The following IQGAP1 variants were observed in gnomAD, a reference collection of about 807,000 sequenced individuals.
IQGAP1 encodes IQ motif containing GTPase activating protein 1.
A neutral mutation model predicts 215.6 loss-of-function variants in IQGAP1; 66 were observed. The observed-to-expected ratio is 0.31, with a 90% confidence interval of 0.25 to 0.38. The LOEUF (loss-of-function observed/expected upper bound fraction) is 0.38, where lower values mean the gene tolerates loss of function less well. IQGAP1 is among the 10% of genes least tolerant of loss of function. The pLI, the probability that IQGAP1 is intolerant of heterozygous loss-of-function variation, is 1.00. For synonymous variants in IQGAP1, 772 were observed against 728.7 expected (o/e 1.06, Z -0.96); for missense variants, 1,712 against 1,997.1 (o/e 0.86, Z 2.72).
rs150804165 is a variant in IQGAP1 at position 90,465,852 on chromosome 15, CCTT to C, written c.1777-144_1777-142del. Reference sequence around the variant, plus strand: ...ACTTTTTACCAGTTTTTTGATGCCTCCTTCTTCCATTTGACTAACCCACGTGTC... The same window carrying C: ...ACTTTTTACCAGTTTTTTGATGCCTCCTTCCATTTGACTAACCCACGTGTC... On this transcript the variant is annotated intron_variant, in intron 15 of 37. Transcript: ENST00000268182. 5.1e-3 allele frequency: 3,351 copies of C among 652,304 alleles called. 59 individuals are homozygous for C. Among genetic ancestry groups the C allele is most frequent in the African/African-American group, 0.05 (2,750 of 54,970 alleles). 40.4% of individuals were successfully genotyped at this position (652,304 alleles called of 1,614,324 possible). A position where few individuals can be genotyped will look rare whatever the true frequency, so the allele number is the denominator to read the frequency against.
intron 5 of IQGAP1, among the ~76,000 whole-genome samples, chr15:90,436,756 T>C (rs1965376122): frequency 1.3e-5 from 2 of 152,244 alleles, no homozygotes; most frequent in African/African-American, 4.8e-5. Flanking sequence ...CTAAGTACTT[T>C]TGATTGTGGG....
chr15:90,485,636 C>T, intron 30 of IQGAP1, among the ~76,000 whole-genome samples: 1 of 152,096 alleles, frequency 6.6e-6, no homozygotes, highest in Non-Finnish European at 1.5e-5. Flanking sequence ...GACAGGGTTT[C>T]ATCATGTTGT....
At position 90,500,115 on chromosome 15, in the gene IQGAP1, G is replaced by A. The variant is rs76546627; in HGVS notation, c.*7G>A. ...AAAGTTCTACGGGAAGTAATTGATC[G>A]TTTGCTGCCAGCCCAGAAGGATGAA... is the stretch of plus-strand genomic sequence containing the variant. On this transcript the variant is annotated 3_prime_UTR_variant, in exon 38 of 38. Transcript: ENST00000268182. 4.0e-3 allele frequency: 5,970 copies of A among 1,476,272 alleles called. 199 individuals carry two copies. In the Admixed American group the frequency reaches 0.067, roughly 17 times the overall value. The allele number at this position is 1,476,272 out of a possible 1,614,324, so 91.4% of individuals were successfully genotyped here. A position where few individuals can be genotyped will look rare whatever the true frequency, so the allele number is the denominator to read the frequency against.
intron 3 of IQGAP1, 42 bp from the exon 4 acceptor site, chr15:90,429,547 T>C (rs777154159): frequency 2.0e-5 from 28 of 1,400,186 alleles, no homozygotes; most frequent in Non-Finnish European, 2.7e-5. Flanking sequence ...AATATTTGCT[T>C]CAATACAGCC....
In IQGAP1 at chr15:90,434,346, G is replaced by A. The variant is rs558358369; in HGVS notation, c.467+551G>A. ...CCAGCTACTCGGGAGGCTGAGGCAG[G>A]AGAATTGCTTGAACCCGGAAGGCAG... is the stretch of plus-strand genomic sequence containing the variant. On this transcript the variant is annotated intron_variant, in intron 5 of 37. Coordinates refer to ENST00000268182, the MANE Select transcript of IQGAP1 (RefSeq NM_003870.4). 4.7e-3 allele frequency among the ~76,000 whole-genome samples: 710 copies of A among 152,078 alleles called. 4 individuals are homozygous for A. Among genetic ancestry groups the A allele is most frequent in the African/African-American group, 0.016 (684 of 41,460 alleles).
intron 37 of IQGAP1, among the ~76,000 whole-genome samples, chr15:90,498,356 CAA>C (rs10708658): frequency 2.2e-3 from 321 of 146,386 alleles, no homozygotes; most frequent in Non-Finnish European, 2.1e-3. Flanking sequence ...GTACTTCCAC[CAA>C]AAAAAAAAAA....
intron 17 of IQGAP1, 57 bp from the exon 18 acceptor site, chr15:90,467,393 G>A (rs1043464215): frequency 3.8e-5 from 59 of 1,535,794 alleles, no homozygotes; most frequent in African/African-American, 3.2e-4. Context: ...AGTTCTGGAC[G>A]TACAGCTGGG....
At chr15:90,467,378 C>T (rs1965846129) in intron 17 of IQGAP1, 72 bp from the exon 18 acceptor site, 2 of 1,444,140 alleles carry the variant, frequency 1.4e-6, no homozygotes, top group African/African-American at 1.5e-5. Context: ...AACTAATAAT[C>T]CTGCAGTTCT....
Position 90,484,263 on chromosome 15 carries a change from A to G in IQGAP1, c.3832A>G (p.Lys1278Glu). 4 of 1,613,856 alleles carry G rather than the reference A, an allele frequency of 2.5e-6. No individual in the cohort carries two copies. The highest frequency in any genetic ancestry group is 3.4e-6 in the Non-Finnish European group (4 of 1,179,792). Residue 1278 changes from lysine (K) to glutamate (E), a missense_variant, in exon 30 of 38, where the codon AAA (lysine) becomes GAA (glutamate). Around this residue, in one of 2 missense-constraint regions of IQGAP1, gnomAD observed 691 missense variants for 923.0 expected, o/e 0.75. Coordinates refer to ENST00000268182, the MANE Select transcript of IQGAP1 (RefSeq NM_003870.4). ...TTGTGATGTCCCAGAGCTTCAGGAT[A>G]AATTTAATGTGGATGAGTACTCTGA... ...TACDVPELQD[K>E]FNVDEYSDLV...
chr15:90,419,954 C>T (rs142673405), intron 2 of IQGAP1, among the ~76,000 whole-genome samples: 6 of 152,148 alleles, frequency 3.9e-5, no homozygotes, highest in African/African-American at 1.2e-4. Context: ...TACCTGGTAA[C>T]GTTTTGAGTA....
chr15:90,395,137 A>G (rs1964694458), intron 2 of IQGAP1, among the ~76,000 whole-genome samples: 2 of 152,198 alleles, frequency 1.3e-5, no homozygotes, highest in South Asian at 4.1e-4. Context: ...TTCAATATTG[A>G]AATTAAGCCG....
chr15:90,389,921 C>T (rs1312482004), intron 1 of IQGAP1, among the ~76,000 whole-genome samples: 3 of 148,544 alleles, frequency 2.0e-5, no homozygotes, highest in Non-Finnish European at 3.0e-5. Flanking sequence ...TGCCACTGCA[C>T]TCGAGCCGGA....
At chr15:90,421,552 A>T (rs1226627422) in intron 2 of IQGAP1, among the ~76,000 whole-genome samples, 3 of 152,162 alleles carry the variant, frequency 2.0e-5, no homozygotes, top group Non-Finnish European at 4.4e-5. Context: ...TTGATTGAAA[A>T]AGTGTAATAA....
At chr15:90,420,145 GAAAGGCAC>G (rs1328701704) in intron 2 of IQGAP1, among the ~76,000 whole-genome samples, 1 of 152,182 alleles carries the variant, frequency 6.6e-6, no homozygotes, top group African/African-American at 2.4e-5. Context: ...GGGATAGGAG[GAAAGGCAC>G]AAATATTTTT....
intron 15 of IQGAP1, among the ~76,000 whole-genome samples, chr15:90,462,861 A>G (rs548068304): frequency 1.3e-5 from 2 of 152,306 alleles, no homozygotes; most frequent in Admixed American, 1.3e-4. Flanking sequence ...GTGCTTGAAT[A>G]TATCTTAGAT....
chr15:90,404,348 T>G (rs1964846857), intron 2 of IQGAP1, among the ~76,000 whole-genome samples: 1 of 152,220 alleles, frequency 6.6e-6, no homozygotes, highest in African/African-American at 2.4e-5. Context: ...ATTTGCCAGT[T>G]TCATAGGTGA....
At chr15:90,454,326 T>C (rs1965648608) in intron 13 of IQGAP1, 102 bp from the exon 14 acceptor site, 2 of 1,419,914 alleles carry the variant, frequency 1.4e-6, no homozygotes, top group African/African-American at 1.4e-5. Flanking sequence ...AAAACTGGTC[T>C]TGAGAATATA....
Position 90,393,511 on chromosome 15 carries a change from C to A in IQGAP1, c.155+2638C>A, listed in dbSNP as rs375138395. The stretch of plus-strand genomic sequence containing the variant: ...GTTTGTTGAATCCATGGATGCAGAA[C>A]CCATGGATAAGGAGGGCCGACTGTA... On this transcript the variant is annotated intron_variant, in intron 2 of 37. Transcript: ENST00000268182. 2.6e-5 allele frequency: 4 copies of A among 152,002 alleles called. No homozygotes were observed. In the East Asian group the frequency reaches 7.7e-4, roughly 29 times the overall value. 9.4% of individuals were successfully genotyped at this position (152,002 alleles called of 1,614,324 possible). A position where few individuals can be genotyped will look rare whatever the true frequency, so the allele number is the denominator to read the frequency against.
intron 2 of IQGAP1, among the ~76,000 whole-genome samples, chr15:90,406,829 T>C (rs16944362): frequency 0.22 from 32,898 of 152,066 alleles, 4,801 homozygotes; most frequent in African/African-American, 0.42. Context: ...GTTCAAAAAG[T>C]GTATAGGATA....
Sources: allele counts gnomAD v4.1 joint callset (sites outside exome capture counted in the v4.1 genomes callset), GRCh38; gene constraint gnomAD v4.1.1; regional missense constraint gnomAD v4.1.1; transcripts MANE v1.5; gene names NCBI Gene and HGNC (gene_info 2026-07-23, HGNC 2026-07-21).